LHFPL3: variants seen among roughly 807,000 people sequenced by gnomAD.
LHFPL3 encodes LHFPL tetraspan subfamily member 3 protein.
A neutral mutation model predicts 19.3 loss-of-function variants in LHFPL3; 5 were observed. The ratio of observed to expected loss-of-function variants is 0.26; its 90% CI spans 0.14 to 0.54. The LOEUF (loss-of-function observed/expected upper bound fraction) is 0.54, where lower values mean the gene tolerates loss of function less well. Among genes scored for constraint, LHFPL3 ranks in the 20% least tolerant of loss-of-function variants. The pLI, the probability that LHFPL3 is intolerant of heterozygous loss-of-function variation, is 0.94. For missense variants in LHFPL3, 249 were observed against 307.4 expected, an observed-to-expected ratio of 0.81 and a Z score of 1.42; for synonymous variants, 133 against 126.2, an observed-to-expected ratio of 1.05 and a Z score of -0.36.
intron 1 of LHFPL3, among the ~76,000 whole-genome samples, chr7:104,658,523 C>T (rs574032461): frequency 1.3e-5 from 2 of 152,312 alleles, no homozygotes; most frequent in East Asian, 1.9e-4. Context: ...TAGTACCTGG[C>T]TGGCATGGTT....
chr7:104,505,419 G>A (rs1793677750), intron 1 of LHFPL3, among the ~76,000 whole-genome samples: 1 of 152,198 alleles, frequency 6.6e-6, no homozygotes, highest in South Asian at 2.1e-4. Flanking sequence ...GTGTTCTCCT[G>A]TATATGCCAA....
At position 104,745,284 on chromosome 7, in the gene LHFPL3, G is replaced by C. The variant is rs967540079; in HGVS notation, c.682+8373G>C. Reference sequence around the variant, plus strand: ...CTTCTTCCTAAAGGAACATAAAAGAGATAGCAGGAACTGCAGCCACCATCC... The same window carrying C: ...CTTCTTCCTAAAGGAACATAAAAGACATAGCAGGAACTGCAGCCACCATCC... On this transcript the variant is annotated intron_variant, in intron 2 of 2. Transcript: ENST00000424859. 2.6e-5 allele frequency among the ~76,000 whole-genome samples: 4 copies of C among 152,334 alleles called. No homozygotes were observed. In the East Asian group the frequency reaches 7.7e-4, roughly 29 times the overall value.
chr7:104,359,570 T>C (rs1475359801), intron 1 of LHFPL3, among the ~76,000 whole-genome samples: 5 of 152,378 alleles, frequency 3.3e-5, no homozygotes, highest in Non-Finnish European at 4.4e-5. Flanking sequence ...GGCCATTCTT[T>C]GACTATTCAT....
chr7:104,789,416 G>C (rs1272095632), intron 2 of LHFPL3, among the ~76,000 whole-genome samples: 1 of 152,004 alleles, frequency 6.6e-6, no homozygotes, highest in Non-Finnish European at 1.5e-5. Flanking sequence ...AAATGTTAAG[G>C]GGTCATTTTT....
At chr7:104,344,693 T>C (rs979962628) in intron 1 of LHFPL3, among the ~76,000 whole-genome samples, 20 of 152,222 alleles carry the variant, frequency 1.3e-4, no homozygotes, top group African/African-American at 4.6e-4. Context: ...GTTGGTTCCA[T>C]AGCTTTGCAG....
At chr7:104,382,544 G>A (rs1790848474) in intron 1 of LHFPL3, among the ~76,000 whole-genome samples, 2 of 152,154 alleles carry the variant, frequency 1.3e-5, no homozygotes, top group South Asian at 4.2e-4. Flanking sequence ...GTTGATGCCT[G>A]GGTTCCATCT....
At chr7:104,539,859 G>A (rs1346433826) in intron 1 of LHFPL3, among the ~76,000 whole-genome samples, 2 of 152,106 alleles carry the variant, frequency 1.3e-5, no homozygotes, top group African/African-American at 2.4e-5. Context: ...TCTTGCTGTT[G>A]TTATGAAACT....
chr7:104,722,166 A>G (rs1450886924), intron 1 of LHFPL3, among the ~76,000 whole-genome samples: 4 of 152,162 alleles, frequency 2.6e-5, no homozygotes, highest in Admixed American at 1.3e-4. Flanking sequence ...TTTCTCCATC[A>G]ACTAGATAGT....
At chr7:104,847,577 C>G (rs1791335329) in intron 2 of LHFPL3, among the ~76,000 whole-genome samples, 1 of 152,172 alleles carries the variant, frequency 6.6e-6, no homozygotes, top group African/African-American at 2.4e-5. Flanking sequence ...GTGGCACGAT[C>G]TCAGCTCACT....
intron 1 of LHFPL3, among the ~76,000 whole-genome samples, chr7:104,451,950 TG>T (rs1792447647): frequency 6.6e-6 from 1 of 152,186 alleles, no homozygotes; most frequent in African/African-American, 2.4e-5. Context: ...TTCGCCATGT[TG>T]GCCAGGGTGG....
intron 1 of LHFPL3, among the ~76,000 whole-genome samples, chr7:104,467,465 T>C (rs537656950): frequency 1.3e-5 from 2 of 152,346 alleles, no homozygotes; most frequent in Admixed American, 6.5e-5. Context: ...GGTTTGGGAA[T>C]GTAGTTTGTG....
chr7:104,568,543 C>T (rs560210268), intron 1 of LHFPL3, among the ~76,000 whole-genome samples: 28 of 152,344 alleles, frequency 1.8e-4, no homozygotes, highest in Non-Finnish European at 3.7e-4. Context: ...CTTGGATCAT[C>T]TCACTCCCAG....
At chr7:104,505,293 G>T (rs528135400) in intron 1 of LHFPL3, among the ~76,000 whole-genome samples, 1 of 152,290 alleles carries the variant, frequency 6.6e-6, no homozygotes, top group East Asian at 1.9e-4. Context: ...TTTTACCTGG[G>T]CTGCATTTAT....
intron 2 of LHFPL3, among the ~76,000 whole-genome samples, chr7:104,747,029 A>G (rs1794059199): frequency 6.6e-6 from 1 of 152,226 alleles, no homozygotes; most frequent in Admixed American, 6.5e-5. Flanking sequence ...ATTTTTAAAT[A>G]TAAGGGTGAT....
chr7:104,619,295 G>C (rs1484494439), intron 1 of LHFPL3, among the ~76,000 whole-genome samples: 1 of 152,016 alleles, frequency 6.6e-6, no homozygotes, highest in Non-Finnish European at 1.5e-5. Flanking sequence ...TATCATTATT[G>C]CATTGCTTTT....
rs556571863 is a variant in LHFPL3, at chr7:104,468,236, C to T, written c.445+139012C>T. Among the ~76,000 whole-genome samples, 62 of 152,254 alleles carry T rather than the reference C, an allele frequency of 4.1e-4. 1 individual carries two copies. The highest frequency in any genetic ancestry group is 1.4e-3 in the African/African-American group (60 of 41,524). On this transcript the variant is annotated intron_variant, in intron 1 of 2. Coordinates refer to ENST00000424859, the MANE Select transcript of LHFPL3 (RefSeq NM_199000.3). The stretch of plus-strand genomic sequence containing the variant: ...TGACTGGACACTGGAATATGGAATC[C>T]AATTACTGAGGTCATAACAACTTAT...
chr7:104,456,069 T>C (rs1251955082), intron 1 of LHFPL3, among the ~76,000 whole-genome samples: 1 of 152,190 alleles, frequency 6.6e-6, no homozygotes, highest in Non-Finnish European at 1.5e-5. Context: ...TTTCAGTGAG[T>C]TGACTGTTTC....
At chr7:104,836,869 T>G (rs1791106889) in intron 2 of LHFPL3, among the ~76,000 whole-genome samples, 1 of 152,220 alleles carries the variant, frequency 6.6e-6, no homozygotes, top group East Asian at 1.9e-4. Flanking sequence ...GATGTCAGTT[T>G]ATCTCTGACG....
chr7:104,468,505 A>C (rs902539478), intron 1 of LHFPL3, among the ~76,000 whole-genome samples: 5 of 152,166 alleles, frequency 3.3e-5, no homozygotes, highest in African/African-American at 1.2e-4. Flanking sequence ...GGTAAAAACC[A>C]TGACAATAAA....
Sources: allele counts gnomAD v4.1 joint callset (sites outside exome capture counted in the v4.1 genomes callset), GRCh38; gene constraint gnomAD v4.1.1; transcripts MANE v1.5; gene names NCBI Gene and HGNC (gene_info 2026-07-23, HGNC 2026-07-21).